BCL2L13: variants seen among roughly 807,000 people sequenced by gnomAD.
BCL2L13 encodes the protein bcl-2-like protein 13.
BCL2L13 carries 13 observed loss-of-function variants against 25.8 expected under a neutral mutation model. The ratio of observed to expected loss-of-function variants is 0.50; its 90% confidence interval spans 0.33 to 0.80. The LOEUF is 0.80. Ranked by LOEUF, BCL2L13 falls within the 30% of genes least tolerant of loss-of-function variation. The pLI is 0.02. For synonymous variants in BCL2L13, 244 were observed against 230.3 expected (o/e 1.06, Z -0.54); for missense variants, 504 against 574.9 (o/e 0.88, Z 1.26).
intron 1 of BCL2L13, among the ~76,000 whole-genome samples, chr22:17,649,796 C>T (rs1261443481): frequency 6.6e-6 from 1 of 151,814 alleles, no homozygotes; most frequent in African/African-American, 2.4e-5. Context: ...AGCCACTGTG[C>T]CTGGCCGCTG....
Position 17,638,894 on chromosome 22 carries a change from G to T in BCL2L13, c.-51+8G>T. 8.1e-7 allele frequency: 1 copy of T among 1,232,324 alleles called. No individual in the cohort carries two copies. Among genetic ancestry groups the T allele is most frequent in the South Asian group, 4.1e-5 (1 of 24,286 alleles). 76.3% of individuals were successfully genotyped at this position (1,232,324 alleles called of 1,614,324 possible). On this transcript the variant is annotated splice_region_variant and intron_variant, in intron 1 of 6. Transcript: ENST00000317582. Reference sequence around the variant, plus strand: ...GGCAGGGGCCAGGGCCAGGTGAGGGGAGTGGGGTTCCGGGAAGGCTGAGCT... The same window carrying T: ...GGCAGGGGCCAGGGCCAGGTGAGGGTAGTGGGGTTCCGGGAAGGCTGAGCT...
At chr22:17,700,254 G>T (rs1043008602) in intron 5 of BCL2L13, among the ~76,000 whole-genome samples, 2 of 152,140 alleles carry the variant, frequency 1.3e-5, no homozygotes, top group African/African-American at 4.8e-5. Flanking sequence ...GAGAATAGTG[G>T]ATTTCAGACT....
chr22:17,638,767 A>G lies in BCL2L13; in HGVS notation c.-170A>G, dbSNP rs2058157514. 9 of 1,231,374 alleles carry G rather than the reference A, an allele frequency of 7.3e-6. No homozygotes were observed. Among genetic ancestry groups the G allele is most frequent in the Non-Finnish European group, 1.0e-6 (1 of 987,886 alleles). 76.3% of individuals were successfully genotyped at this position (1,231,374 alleles called of 1,614,324 possible). On this transcript the variant is annotated 5_prime_UTR_variant, in exon 1 of 7. The change abolishes an upstream ATG in the 5' untranslated region. Coordinates refer to ENST00000317582, the MANE Select transcript of BCL2L13 (RefSeq NM_015367.4). ...CGCCGGGGTGACCTCACCCTCCAAC[A>G]TGGCGGCGGCGGTAGATTAGGGCCG...
At chr22:17,709,762 A>T (rs938845227) in intron 6 of BCL2L13, among the ~76,000 whole-genome samples, 1 of 151,866 alleles carries the variant, frequency 6.6e-6, no homozygotes, top group Non-Finnish European at 1.5e-5. Flanking sequence ...AGCCTAGGCA[A>T]CAGAGTGCTA....
chr22:17,725,044 G>A (rs1393013183), intron 6 of BCL2L13, among the ~76,000 whole-genome samples: 1 of 152,200 alleles, frequency 6.6e-6, no homozygotes, highest in African/African-American at 2.4e-5. Flanking sequence ...GGCACACGGT[G>A]GCCTGTTATT....
At chr22:17,629,976 T>A (rs768167870) in intron 1 of BCL2L13, among the ~76,000 whole-genome samples, 6 of 152,040 alleles carry the variant, frequency 3.9e-5, no homozygotes, top group Non-Finnish European at 7.4e-5. Context: ...CCCACCACTT[T>A]GGGAGGCTGA....
chr22:17,717,506 C>G (rs1283793037), intron 6 of BCL2L13, among the ~76,000 whole-genome samples: 1 of 152,026 alleles, frequency 6.6e-6, no homozygotes, highest in Non-Finnish European at 1.5e-5. Flanking sequence ...CCCAGGTGGT[C>G]TCTAATTCCT....
At chr22:17,644,139 G>A (rs1316152713) in intron 1 of BCL2L13, among the ~76,000 whole-genome samples, 1 of 150,920 alleles carries the variant, frequency 6.6e-6, no homozygotes, top group Non-Finnish European at 1.5e-5. Context: ...TCGAACTCCC[G>A]ACCTTAGGTG....
At position 17,639,434 on chromosome 22, in the gene BCL2L13, C is replaced by T. The variant is rs116523517; in HGVS notation, c.-51+548C>T. On this transcript the variant is annotated intron_variant, in intron 1 of 6. Transcript: ENST00000317582. ...TCTTGCCCTTGGAGGCAGTACAGTT[C>T]ACACGGAGTCATTTTCCCCCTTTGA... Among the ~76,000 whole-genome samples the T allele has an allele frequency of 4.8e-3, 736 of 152,310 alleles. 4 individuals are homozygous for T. The highest frequency in any genetic ancestry group is 0.017 in the African/African-American group (693 of 41,560).
At chr22:17,697,189 A>G (rs2060290615) in intron 5 of BCL2L13, among the ~76,000 whole-genome samples, 1 of 151,992 alleles carries the variant, frequency 6.6e-6, no homozygotes, top group South Asian at 2.1e-4. Flanking sequence ...CTGTAATCCC[A>G]TCACTTTGGG....
At chr22:17,654,994 G>C (rs118081422) in intron 1 of BCL2L13, among the ~76,000 whole-genome samples, 282 of 152,216 alleles carry the variant, frequency 1.9e-3, no homozygotes, top group Non-Finnish European at 3.0e-3. Context: ...AAAGTTCTGG[G>C]ATTACATGCG....
intron 5 of BCL2L13, among the ~76,000 whole-genome samples, chr22:17,696,804 C>T (rs1294046277): frequency 1.3e-5 from 2 of 152,088 alleles, no homozygotes; most frequent in Non-Finnish European, 1.5e-5. Flanking sequence ...CTGATTCTAG[C>T]GTCTGTTTTT....
intron 2 of BCL2L13, among the ~76,000 whole-genome samples, chr22:17,659,056 TAAAAAAAA>T (rs752881083): frequency 1.1e-4 from 3 of 28,114 alleles, no homozygotes; most frequent in South Asian, 1.5e-3. Flanking sequence ...AGACTCCATC[TAAAAAAAA>T]AAAAAAAAAA....
intron 1 of BCL2L13, among the ~76,000 whole-genome samples, chr22:17,640,811 T>C (rs2058248896): frequency 6.6e-6 from 1 of 151,784 alleles, no homozygotes; most frequent in Admixed American, 6.6e-5. Context: ...CTGTGATTGC[T>C]CCACTGTACT....
At position 17,642,520 on chromosome 22, in the gene BCL2L13, A is replaced by G. The variant is rs142315511; in HGVS notation, c.-51+3634A>G. Reference sequence around the variant, plus strand: ...GTTTATCCAAGATGTAGTGTGTATCAGTACTTTATTCCTTTTTATTGCTGC... The same window carrying G: ...GTTTATCCAAGATGTAGTGTGTATCGGTACTTTATTCCTTTTTATTGCTGC... On this transcript the variant is annotated intron_variant, in intron 1 of 6. Transcript: ENST00000317582. Among the ~76,000 whole-genome samples the G allele has an allele frequency of 2.5e-3, 377 of 152,170 alleles. 2 individuals are homozygous for G. The highest frequency in any genetic ancestry group is 8.8e-3 in the African/African-American group (364 of 41,530).
upstream of BCL2L13, chr22:17,638,227 A>C (rs2058146845): frequency 1.9e-5 from 3 of 155,396 alleles, no homozygotes; most frequent in Non-Finnish European, 4.3e-5. Context: ...TTACTAGTTA[A>C]GACTTCCTTC....
At chr22:17,676,361 G>A (rs976285584) in intron 2 of BCL2L13, among the ~76,000 whole-genome samples, 2 of 152,272 alleles carry the variant, frequency 1.3e-5, no homozygotes, top group African/African-American at 4.8e-5. Flanking sequence ...TACTTGGGAG[G>A]CTGAGGTGGG....
intron 1 of BCL2L13, among the ~76,000 whole-genome samples, chr22:17,654,995 A>T (rs2058807349): frequency 6.6e-6 from 1 of 152,236 alleles, no homozygotes; most frequent in Admixed American, 6.5e-5. Context: ...AAGTTCTGGG[A>T]TTACATGCGT....
At chr22:17,673,673 G>A (rs1422842419) in intron 2 of BCL2L13, among the ~76,000 whole-genome samples, 3 of 151,704 alleles carry the variant, frequency 2.0e-5, no homozygotes, top group Non-Finnish European at 2.9e-5. Context: ...CACTGCGCCC[G>A]GCCTTATTTC....
Sources: gnomAD v4.1 joint callset for allele counts (sites outside exome capture counted in the v4.1 genomes callset) on GRCh38, gnomAD v4.1.1 for gene constraint, MANE v1.5 for transcripts, NCBI Gene and HGNC (gene_info 2026-07-23, HGNC 2026-07-21) for gene names.